Variants in CNBD1 observed in about 807,000 individuals in gnomAD.
CNBD1 encodes the protein cyclic nucleotide binding domain containing 1.
A neutral mutation model predicts 54.4 loss-of-function variants in CNBD1; 71 were observed. That is an observed-to-expected ratio of 1.30 (90% confidence interval 1.08 to 1.59). The LOEUF is 1.59. Among genes scored for constraint, CNBD1 ranks in the 40% most tolerant of loss-of-function variants. The pLI is 0.00. For missense variants in CNBD1, 659 were observed against 518.0 expected (o/e 1.27, Z -2.64); for synonymous variants, 182 against 170.7 (o/e 1.07, Z -0.51).
chr8:87,317,828 A>G (rs182990290), intron 8 of CNBD1, among the ~76,000 whole-genome samples: 1 of 151,938 alleles, frequency 6.6e-6, no homozygotes, highest in East Asian at 1.9e-4. Context: ...AATACATAAG[A>G]TTAGGCTCAC....
chr8:86,967,729 G>T (rs1808118444), intron 4 of CNBD1, among the ~76,000 whole-genome samples: 1 of 150,842 alleles, frequency 6.6e-6, no homozygotes, highest in Admixed American at 6.6e-5. Context: ...AGTAATCATA[G>T]TTTAAAAAGA....
intron 2 of CNBD1, among the ~76,000 whole-genome samples, chr8:87,420,761 G>T (rs909511948): frequency 6.7e-6 from 1 of 149,144 alleles, no homozygotes; most frequent in Non-Finnish European, 1.5e-5. Context: ...TAAATTGTTT[G>T]CTTGATTTTC....
chr8:87,131,188 C>T (rs1435315175), intron 4 of CNBD1, among the ~76,000 whole-genome samples: 9 of 151,926 alleles, frequency 5.9e-5, no homozygotes, highest in Non-Finnish European at 1.0e-4. Flanking sequence ...ATGAAATTTT[C>T]GTGTGCTTGG....
chr8:86,971,853 TTTTA>T (rs1373415449), intron 4 of CNBD1, among the ~76,000 whole-genome samples: 1 of 152,238 alleles, frequency 6.6e-6, no homozygotes, highest in African/African-American at 2.4e-5. Context: ...ATTGTTTTTC[TTTTA>T]TTTATTTTTA....
rs201891572 is a variant in CNBD1 at position 87,228,591 on chromosome 8, C to T, written c.578-8328C>T. Among the ~76,000 whole-genome samples the T allele has an allele frequency of 1.7e-3, 248 of 149,846 alleles. 2 individuals are homozygous for T. The highest frequency in any genetic ancestry group is 4.3e-3 in the African/African-American group (169 of 39,410). On this transcript the variant is annotated intron_variant, in intron 5 of 10. Coordinates refer to ENST00000518476, the MANE Select transcript of CNBD1 (RefSeq NM_173538.3). ...CAGGGACCCACTTGAGGAGGCAGTCCGCCCGTTCTCAGATCTCCAGCTGCG... is the reference window on the plus strand; with the variant it reads ...CAGGGACCCACTTGAGGAGGCAGTCTGCCCGTTCTCAGATCTCCAGCTGCG...
chr8:87,347,338 G>A (rs1012708608), intron 8 of CNBD1, among the ~76,000 whole-genome samples: 2 of 152,056 alleles, frequency 1.3e-5, no homozygotes, highest in Non-Finnish European at 1.5e-5. Context: ...TGAGATTCTT[G>A]AGAATATGCA....
intron 4 of CNBD1, among the ~76,000 whole-genome samples, chr8:87,099,051 AAAAAAAAAAC>A (rs1190868379): frequency 1.3e-5 from 2 of 150,766 alleles, no homozygotes; most frequent in Non-Finnish European, 1.5e-5. Context: ...AAAAAAAAAA[AAAAAAAAAAC>A]AAAACTCCAA....
chr8:87,335,532 C>CT (rs1809926455), intron 8 of CNBD1, among the ~76,000 whole-genome samples: 1 of 151,980 alleles, frequency 6.6e-6, no homozygotes, highest in Non-Finnish European at 1.5e-5. Context: ...TCCACCTTTG[C>CT]TTTTTTCTGC....
chr8:87,115,827 C>T (rs1382570682), intron 4 of CNBD1, among the ~76,000 whole-genome samples: 2 of 152,106 alleles, frequency 1.3e-5, no homozygotes, highest in Non-Finnish European at 2.9e-5. Flanking sequence ...CTACCTCTTC[C>T]CAAGTCTCCA....
chr8:86,927,636 G>A lies in CNBD1; in HGVS notation c.273-11960G>A, dbSNP rs374873808. ...CATGGTTGATGTGATTAGGATTTTC[G>A]TCCTGGCAGGAGCTACAGTATATAG... On this transcript the variant is annotated intron_variant, in intron 3 of 10. Coordinates refer to ENST00000518476, the MANE Select transcript of CNBD1 (RefSeq NM_173538.3). Among the ~76,000 whole-genome samples the A allele has an allele frequency of 6.5e-4, 99 of 152,188 alleles. 1 individual carries two copies. The highest frequency in any genetic ancestry group is 1.9e-3 in the African/African-American group (78 of 41,538).
rs147372470 is a variant in CNBD1, at chr8:87,268,127, C to T, written c.772-16551C>T. Among the ~76,000 whole-genome samples, 360 of 152,144 alleles carry T rather than the reference C, an allele frequency of 2.4e-3. 2 individuals are homozygous for T. The highest frequency in any genetic ancestry group is 7.3e-3 in the African/African-American group (304 of 41,516). On this transcript the variant is annotated intron_variant, in intron 6 of 10. Coordinates refer to ENST00000518476, the MANE Select transcript of CNBD1 (RefSeq NM_173538.3). ...CTCCTCCTACCCACTCAAGCAGTCC[C>T]CAGGGTCTATCAGTCCCATATTTGT...
intron 3 of CNBD1, among the ~76,000 whole-genome samples, chr8:86,936,000 A>C (rs74355407): frequency 6.6e-6 from 1 of 152,028 alleles, no homozygotes; most frequent in Non-Finnish European, 1.5e-5. Context: ...TTAGCTGGGC[A>C]TTGGTGTTTT....
chr8:87,280,994 G>C (rs923313831), intron 6 of CNBD1, among the ~76,000 whole-genome samples: 1 of 149,714 alleles, frequency 6.7e-6, no homozygotes, highest in Non-Finnish European at 1.5e-5. Context: ...TTGAGAGACT[G>C]AGCTATAAAG....
At chr8:87,220,803 T>G (rs1422054319) in intron 5 of CNBD1, among the ~76,000 whole-genome samples, 2 of 152,052 alleles carry the variant, frequency 1.3e-5, no homozygotes, top group Non-Finnish European at 2.9e-5. Flanking sequence ...TTGGATTATT[T>G]ATTTATGACA....
At chr8:87,305,874 G>A (rs1056010949) in intron 8 of CNBD1, among the ~76,000 whole-genome samples, 9 of 152,184 alleles carry the variant, frequency 5.9e-5, no homozygotes, top group African/African-American at 2.2e-4. Flanking sequence ...GAACCCAAAA[G>A]CAAATGCAGT....
intron 4 of CNBD1, among the ~76,000 whole-genome samples, chr8:87,190,760 A>G (rs1315135915): frequency 2.0e-5 from 3 of 151,642 alleles, no homozygotes; most frequent in Non-Finnish European, 1.5e-5. Flanking sequence ...CATTTTCACT[A>G]TAGTCATGTG....
intron 2 of CNBD1, among the ~76,000 whole-genome samples, chr8:87,388,091 G>A (rs985243528): frequency 1.3e-5 from 2 of 152,268 alleles, no homozygotes; most frequent in Middle Eastern, 3.4e-3. Context: ...GAATCTCTGG[G>A]ACACATTCAA....
At chr8:87,336,581 A>G (rs1809948676) in intron 8 of CNBD1, among the ~76,000 whole-genome samples, 2 of 152,106 alleles carry the variant, frequency 1.3e-5, no homozygotes, top group Non-Finnish European at 1.5e-5. Context: ...TGGTAATTCC[A>G]GTTAGCAGCT....
At chr8:87,078,026 G>A (rs1051096076) in intron 4 of CNBD1, among the ~76,000 whole-genome samples, 2 of 152,298 alleles carry the variant, frequency 1.3e-5, no homozygotes, top group East Asian at 3.9e-4. Flanking sequence ...CCTCCCAAAG[G>A]TCTCACTTCC....
Sources: gnomAD v4.1 joint callset for allele counts (sites outside exome capture counted in the v4.1 genomes callset) on GRCh38, gnomAD v4.1.1 for gene constraint, MANE v1.5 for transcripts, NCBI Gene and HGNC (gene_info 2026-07-23, HGNC 2026-07-21) for gene names.